SLCO1A2: variants seen among roughly 807,000 people sequenced by gnomAD.
SLCO1A2 encodes the protein solute carrier organic anion transporter family member 1A2.
In SLCO1A2, 67 loss-of-function variants were observed where a neutral mutation model predicts 69.0. That is an observed-to-expected ratio of 0.97 (90% confidence interval 0.80 to 1.19). SLCO1A2 has a LOEUF of 1.19. Ranked by LOEUF, SLCO1A2 falls within the 50% of genes most tolerant of loss-of-function variation. The probability of loss-of-function intolerance (pLI) is 0.00; values close to 1 mark genes in which losing one functional copy is unlikely to be tolerated. For synonymous variants in SLCO1A2, 260 were observed against 265.9 expected, an observed-to-expected ratio of 0.98 and a Z score of 0.22; for missense variants, 787 against 793.7, an observed-to-expected ratio of 0.99 and a Z score of 0.10.
exon 1 of SLCO1A2, chr12:21,417,902 C>G (rs558292158): frequency 1.3e-5 from 2 of 152,224 alleles, no homozygotes; most frequent in East Asian, 3.9e-4. Flanking sequence ...AGTATTAGTT[C>G]AGAGGGGAGT....
intron 2 of SLCO1A2, among the ~76,000 whole-genome samples, chr12:21,349,740 A>C (rs1235968729): frequency 6.6e-6 from 1 of 152,194 alleles, no homozygotes; most frequent in Non-Finnish European, 1.5e-5. Flanking sequence ...CCAGTCCAGA[A>C]AGATTTTACT....
chr12:21,289,186 G>GTGTA (rs1312060347), intron 12 of SLCO1A2, among the ~76,000 whole-genome samples: 1 of 121,124 alleles, frequency 8.3e-6, no homozygotes, highest in Non-Finnish European at 1.7e-5. Flanking sequence ...GTACCATTCT[G>GTGTA]TGTGTGTGTG....
intron 2 of SLCO1A2, among the ~76,000 whole-genome samples, chr12:21,333,589 T>C (rs4148982): frequency 0.37 from 55,744 of 151,968 alleles, 10,909 homozygotes; most frequent in African/African-American, 0.51. Flanking sequence ...ACATCCACAT[T>C]AATATCTAAC....
At chr12:21,381,194 A>G (rs1186061149) in intron 1 of SLCO1A2, among the ~76,000 whole-genome samples, 1 of 152,200 alleles carries the variant, frequency 6.6e-6, no homozygotes, top group African/African-American at 2.4e-5. Context: ...AAGCTTCTGC[A>G]CAGCAGGAGA....
chr12:21,269,300 A>T lies in SLCO1A2; in HGVS notation c.*248T>A. 1 of 311,610 alleles carries T rather than the reference A, an allele frequency of 3.2e-6. No homozygotes were observed. The highest frequency in any genetic ancestry group is 5.8e-6 in the Non-Finnish European group (1 of 170,988). The allele number at this position is 311,610 out of a possible 1,614,324, so 19.3% of individuals were successfully genotyped here. On this transcript the variant is annotated 3_prime_UTR_variant, in exon 15 of 15. Coordinates refer to ENST00000683939, the MANE Select transcript of SLCO1A2 (RefSeq NM_001386879.1). ...TGAATTAAGGGAAATTGCTGTTTCA[A>T]CATAAAAATAAAGCTGGCTCTAAGA...
chr12:21,394,649 C>T (rs1400781983), intron 1 of SLCO1A2, among the ~76,000 whole-genome samples: 2 of 151,794 alleles, frequency 1.3e-5, no homozygotes, highest in African/African-American at 4.8e-5. Flanking sequence ...CAAGCTATTC[C>T]TGAACAAGGT....
intron 12 of SLCO1A2, among the ~76,000 whole-genome samples, chr12:21,290,781 T>A (rs1341776508): frequency 6.6e-6 from 1 of 152,170 alleles, no homozygotes; most frequent in Non-Finnish European, 1.5e-5. Flanking sequence ...CTCTTCCAAA[T>A]ACACAAACAC....
chr12:21,413,489 G>T (rs1941944825), intron 1 of SLCO1A2, among the ~76,000 whole-genome samples: 1 of 151,932 alleles, frequency 6.6e-6, no homozygotes, highest in Non-Finnish European at 1.5e-5. Flanking sequence ...CAATCCACCT[G>T]CCTCGGCCTC....
At chr12:21,292,014 GA>G (rs1403727590) in intron 12 of SLCO1A2, 149 bp downstream of exon 12, 1 of 487,586 alleles carries the variant, frequency 2.1e-6, no homozygotes, top group Non-Finnish European at 3.5e-6. Context: ...AAAATTTTGT[GA>G]AATCCAACAA....
upstream of SLCO1A2, among the ~76,000 whole-genome samples, chr12:21,395,873 A>G (rs1941433654): frequency 6.6e-6 from 1 of 151,970 alleles, no homozygotes; most frequent in African/African-American, 2.4e-5. Context: ...ACCCATCTGT[A>G]CATCACCATC....
chr12:21,410,362 G>A (rs979413663), intron 1 of SLCO1A2, among the ~76,000 whole-genome samples: 12 of 152,238 alleles, frequency 7.9e-5, no homozygotes, highest in Admixed American at 1.3e-4. Flanking sequence ...TAGAGAGATC[G>A]AGGCTATATA....
At chr12:21,293,822 A>AT in intron 11 of SLCO1A2, 123 bp downstream of exon 11, 1 of 729,402 alleles carries the variant, frequency 1.4e-6, no homozygotes, top group East Asian at 3.1e-5. Context: ...ATTTTTCCAC[A>AT]TACAAAAAAA....
At chr12:21,409,295 G>A (rs924872613) in intron 1 of SLCO1A2, among the ~76,000 whole-genome samples, 7 of 152,100 alleles carry the variant, frequency 4.6e-5, no homozygotes, top group Non-Finnish European at 7.4e-5. Flanking sequence ...TTCATATTCC[G>A]CCTCTATAAG....
intron 1 of SLCO1A2, among the ~76,000 whole-genome samples, chr12:21,411,714 A>T (rs1426092693): frequency 1.3e-5 from 2 of 151,458 alleles, no homozygotes; most frequent in Admixed American, 6.6e-5. Flanking sequence ...ACAAGGTTTC[A>T]CTCCATTGCC....
intron 5 of SLCO1A2, among the ~76,000 whole-genome samples, chr12:21,306,470 T>C (rs1327054969): frequency 2.0e-5 from 3 of 152,024 alleles, no homozygotes; most frequent in South Asian, 2.1e-4. Flanking sequence ...GGATTACAGG[T>C]GCCCGCTACC....
intron 2 of SLCO1A2, among the ~76,000 whole-genome samples, chr12:21,346,954 C>T (rs374799681): frequency 5.3e-5 from 8 of 150,844 alleles, no homozygotes; most frequent in African/African-American, 1.7e-4. Context: ...AGTCTATGTT[C>T]GGATTTGTTT....
rs78469213 is a variant in SLCO1A2 at position 21,351,136 on chromosome 12, T to C, written c.-62-16427A>G. 6.8e-3 allele frequency among the ~76,000 whole-genome samples: 1,032 copies of C among 152,228 alleles called. 14 individuals carry two copies. Among genetic ancestry groups the C allele is most frequent in the African/African-American group, 0.023 (972 of 41,534 alleles). Reference sequence around the variant, plus strand: ...GTGCCTAAATGTGTACAAGGCACTATGGGGAGGCACTGAGTAAATAAGAAG... The same window carrying C: ...GTGCCTAAATGTGTACAAGGCACTACGGGGAGGCACTGAGTAAATAAGAAG... On this transcript the variant is annotated intron_variant, in intron 2 of 15. Coordinates refer to the SLCO1A2 transcript ENST00000307378.
intron 2 of SLCO1A2, among the ~76,000 whole-genome samples, chr12:21,361,283 T>C (rs555933026): frequency 6.6e-6 from 1 of 152,088 alleles, no homozygotes; most frequent in Non-Finnish European, 1.5e-5. Context: ...GGGTCTGGAG[T>C]GGACCTCCAG....
At chr12:21,286,224 C>A (rs1945759547) in intron 12 of SLCO1A2, among the ~76,000 whole-genome samples, 1 of 138,998 alleles carries the variant, frequency 7.2e-6, no homozygotes, top group Non-Finnish European at 1.6e-5. Flanking sequence ...AACAGACAAA[C>A]AGAGAGCCAA....
Sources: gnomAD v4.1 joint callset for allele counts (sites outside exome capture counted in the v4.1 genomes callset) on GRCh38, gnomAD v4.1.1 for gene constraint, MANE v1.5 for transcripts, NCBI Gene and HGNC (gene_info 2026-07-23, HGNC 2026-07-21) for gene names.